Variants in CNTNAP2 observed in about 807,000 individuals in gnomAD.
The protein encoded by CNTNAP2 is contactin-associated protein-like 2.
In CNTNAP2, 98 loss-of-function variants were observed where a neutral mutation model predicts 155.2. The ratio of observed to expected loss-of-function variants is 0.63; its 90% CI spans 0.54 to 0.75. The LOEUF (loss-of-function observed/expected upper bound fraction) is 0.75. Ranked by LOEUF, CNTNAP2 falls within the 30% of genes least tolerant of loss-of-function variation. CNTNAP2 has a pLI of 0.00. For synonymous variants in CNTNAP2, 651 were observed against 631.2 expected, an observed-to-expected ratio of 1.03 and a Z score of -0.47; for missense variants, 1,727 against 1,688.1, an observed-to-expected ratio of 1.02 and a Z score of -0.40.
At chr7:146,631,378 G>C (rs1396980369) in intron 1 of CNTNAP2, among the ~76,000 whole-genome samples, 1 of 152,152 alleles carries the variant, frequency 6.6e-6, no homozygotes, top group Non-Finnish European at 1.5e-5. Flanking sequence ...AATCATAGAT[G>C]TTTGGGACCC....
At chr7:147,520,107 G>A (rs954947712) in intron 11 of CNTNAP2, among the ~76,000 whole-genome samples, 16 of 152,028 alleles carry the variant, frequency 1.1e-4, no homozygotes, top group East Asian at 1.9e-4. Flanking sequence ...GAATCCAGTC[G>A]TTGTATTTTG....
Position 147,600,288 on chromosome 7 carries a change from G to T in CNTNAP2, c.1897+38031G>T, listed in dbSNP as rs115886243. On this transcript the variant is annotated intron_variant, in intron 12 of 23. Coordinates refer to ENST00000361727, the MANE Select transcript of CNTNAP2 (RefSeq NM_014141.6). ...TCTTCCTCTTTTTGCTTTTTTGCTT[G>T]TTACTTTTGTTGAGGGGTCAGCAAA... Among the ~76,000 whole-genome samples the T allele has an allele frequency of 6.4e-3, 966 of 152,114 alleles. 10 individuals are homozygous for T. Among genetic ancestry groups the T allele is most frequent in the African/African-American group, 0.022 (924 of 41,500 alleles).
intron 13 of CNTNAP2, among the ~76,000 whole-genome samples, chr7:147,884,117 G>T (rs1235143339): frequency 6.6e-6 from 1 of 152,196 alleles, no homozygotes; most frequent in Non-Finnish European, 1.5e-5. Flanking sequence ...GGATATTAAG[G>T]AAAGAGAATT....
intron 1 of CNTNAP2, among the ~76,000 whole-genome samples, chr7:146,750,128 C>A (rs1215435192): frequency 6.6e-6 from 1 of 152,188 alleles, no homozygotes; most frequent in Non-Finnish European, 1.5e-5. Context: ...TCTGAACAAT[C>A]AAATCCTGGC....
chr7:146,140,518 C>G (rs986278620), intron 1 of CNTNAP2, among the ~76,000 whole-genome samples: 1 of 152,104 alleles, frequency 6.6e-6, no homozygotes, highest in Non-Finnish European at 1.5e-5. Context: ...AATATATTCT[C>G]ATATATTAAT....
At chr7:146,302,632 C>T (rs955375121) in intron 1 of CNTNAP2, among the ~76,000 whole-genome samples, 2 of 152,060 alleles carry the variant, frequency 1.3e-5, no homozygotes, top group Non-Finnish European at 2.9e-5. Context: ...GACAGTTCAA[C>T]GTTAGAGGCC....
intron 1 of CNTNAP2, among the ~76,000 whole-genome samples, chr7:146,531,911 A>G (rs185388197): frequency 2.0e-5 from 3 of 152,244 alleles, no homozygotes; most frequent in South Asian, 2.1e-4. Context: ...AGAAGCAGAA[A>G]GAGCACTATT....
At chr7:147,486,304 A>G (rs1192941865) in intron 11 of CNTNAP2, among the ~76,000 whole-genome samples, 2 of 151,758 alleles carry the variant, frequency 1.3e-5, no homozygotes, top group African/African-American at 4.9e-5. Flanking sequence ...TTGAGATTGG[A>G]AGTCCAAACT....
intron 12 of CNTNAP2, among the ~76,000 whole-genome samples, chr7:147,595,431 A>T (rs186990354): frequency 3.3e-5 from 5 of 152,340 alleles, no homozygotes; most frequent in Admixed American, 3.3e-4. Context: ...CTGGATATAA[A>T]TGTTACTCTA....
At chr7:147,967,411 T>C (rs1042705283) in intron 14 of CNTNAP2, among the ~76,000 whole-genome samples, 16 of 152,238 alleles carry the variant, frequency 1.1e-4, no homozygotes, top group Non-Finnish European at 2.1e-4. Context: ...ACTGGTTGAA[T>C]ACCTTAGTCT....
chr7:146,699,796 C>T (rs138997582), intron 1 of CNTNAP2, among the ~76,000 whole-genome samples: 3,527 of 151,976 alleles, frequency 0.023, 113 homozygotes, highest in African/African-American at 0.078. Flanking sequence ...AGCGAAACCC[C>T]GTCTCTACTA....
chr7:146,337,855 T>C (rs574749316), intron 1 of CNTNAP2, among the ~76,000 whole-genome samples: 4 of 152,326 alleles, frequency 2.6e-5, no homozygotes, highest in Non-Finnish European at 5.9e-5. Context: ...AATTATACCT[T>C]ACACATAAAT....
chr7:146,840,433 T>A (rs1348073329), intron 3 of CNTNAP2, among the ~76,000 whole-genome samples: 3 of 152,202 alleles, frequency 2.0e-5, no homozygotes, highest in African/African-American at 4.8e-5. Flanking sequence ...AATGTCTCTA[T>A]TAACTTAAAA....
chr7:148,037,400 A>G (rs913210096), intron 15 of CNTNAP2, among the ~76,000 whole-genome samples: 1 of 152,236 alleles, frequency 6.6e-6, no homozygotes, highest in Admixed American at 6.5e-5. Context: ...GCCATGTCCA[A>G]TCCGCAGCTG....
At chr7:147,630,237 T>A (rs1361730527) in intron 12 of CNTNAP2, among the ~76,000 whole-genome samples, 1 of 136,530 alleles carries the variant, frequency 7.3e-6, no homozygotes, top group Non-Finnish European at 1.5e-5. Flanking sequence ...CCTGGAAATA[T>A]ACAACCTTCC....
chr7:146,780,493 T>A (rs1802466918), intron 2 of CNTNAP2, among the ~76,000 whole-genome samples: 1 of 151,934 alleles, frequency 6.6e-6, no homozygotes, highest in East Asian at 1.9e-4. Context: ...CCGGCCGGTT[T>A]CCTGACTTTT....
intron 1 of CNTNAP2, among the ~76,000 whole-genome samples, chr7:146,237,001 A>C (rs1485455815): frequency 3.3e-5 from 5 of 152,148 alleles, no homozygotes; most frequent in Admixed American, 3.3e-4. Flanking sequence ...TAGACTATTA[A>C]GCTAACTTCT....
chr7:147,268,196 T>A (rs1804659141), intron 8 of CNTNAP2, among the ~76,000 whole-genome samples: 1 of 152,244 alleles, frequency 6.6e-6, no homozygotes, highest in Non-Finnish European at 1.5e-5. Flanking sequence ...ATTAAATGTC[T>A]ACTATCTAAA....
intron 9 of CNTNAP2, among the ~76,000 whole-genome samples, chr7:147,350,235 T>A (rs1482015119): frequency 6.6e-6 from 1 of 151,916 alleles, no homozygotes; most frequent in African/African-American, 2.4e-5. Flanking sequence ...TGTACAGAAT[T>A]CTTCAGTGCA....
Sources: gnomAD v4.1 joint callset for allele counts (sites outside exome capture counted in the v4.1 genomes callset) on GRCh38, gnomAD v4.1.1 for gene constraint, MANE v1.5 for transcripts, NCBI Gene and HGNC (gene_info 2026-07-23, HGNC 2026-07-21) for gene names.